DPP6: variants seen among roughly 807,000 people sequenced by gnomAD.
The protein encoded by DPP6 is A-type potassium channel modulatory protein DPP6.
Under a neutral mutation model 122.6 loss-of-function variants are expected in DPP6, and 69 were observed. The ratio of observed to expected loss-of-function variants is 0.56; its 90% CI spans 0.46 to 0.69. The LOEUF is 0.69. Among genes scored for constraint, DPP6 ranks in the 30% least tolerant of loss-of-function variants. The pLI, the probability that DPP6 is intolerant of heterozygous loss-of-function variation, is 0.00. For synonymous variants in DPP6, 418 were observed against 433.1 expected, an observed-to-expected ratio of 0.97 and a Z score of 0.43; for missense variants, 928 against 1,116.9, an observed-to-expected ratio of 0.83 and a Z score of 2.41.
At chr7:154,869,799 C>T (rs1479462445) in intron 18 of DPP6, among the ~76,000 whole-genome samples, 4 of 152,206 alleles carry the variant, frequency 2.6e-5, no homozygotes, top group African/African-American at 4.8e-5. Context: ...AAAGTCAGAA[C>T]ATTCTGGAAT....
At chr7:154,216,930 TAA>T (rs10558754) in intron 1 of DPP6, among the ~76,000 whole-genome samples, 100,246 of 147,374 alleles carry the variant, frequency 0.68, 36,513 homozygotes, top group Non-Finnish European at 0.81. Context: ...GAAACCTCTC[TAA>T]AAAAAAAAAA....
chr7:154,697,392 C>T (rs2131248805), intron 7 of DPP6, among the ~76,000 whole-genome samples: 1 of 152,330 alleles, frequency 6.6e-6, no homozygotes, highest in East Asian at 1.9e-4. Flanking sequence ...CCCATGTAGG[C>T]CTCCAGAGCC....
chr7:154,056,905 T>G (rs1322927278), intron 1 of DPP6, among the ~76,000 whole-genome samples: 4 of 152,230 alleles, frequency 2.6e-5, no homozygotes, highest in African/African-American at 9.6e-5. Flanking sequence ...TTTTTTAAGT[T>G]TCACATGATT....
the DPP6 span, among the ~76,000 whole-genome samples, chr7:153,792,912 G>A: frequency 4.6e-5 from 7 of 152,242 alleles, no homozygotes; most frequent in South Asian, 1.0e-3. Context: ...AGGGGTTTCT[G>A]CTTTTGCTTC....
intron 3 of DPP6, among the ~76,000 whole-genome samples, chr7:154,476,064 A>G (rs1822709187): frequency 6.6e-6 from 1 of 152,170 alleles, no homozygotes; most frequent in Non-Finnish European, 1.5e-5. Context: ...AATGCTTTTC[A>G]TGCTTCACAA....
chr7:154,620,680 G>T (rs1428136833), intron 5 of DPP6, among the ~76,000 whole-genome samples: 1 of 152,200 alleles, frequency 6.6e-6, no homozygotes, highest in Non-Finnish European at 1.5e-5. Context: ...TATAGCAGAG[G>T]TGATGTTACG....
intron 1 of DPP6, among the ~76,000 whole-genome samples, chr7:153,986,375 T>G (rs1465616793): frequency 6.6e-6 from 1 of 152,150 alleles, no homozygotes; most frequent in Non-Finnish European, 1.5e-5. Context: ...GACCTGTTCA[T>G]CTCACATCTT....
intron 1 of DPP6, among the ~76,000 whole-genome samples, chr7:154,263,338 C>G (rs1803159765): frequency 6.6e-6 from 1 of 152,174 alleles, no homozygotes; most frequent in South Asian, 2.1e-4. Flanking sequence ...CTTTTAAGAT[C>G]AAGATTAGGG....
chr7:154,355,021 G>A (rs1296553058), intron 1 of DPP6, among the ~76,000 whole-genome samples: 2 of 152,126 alleles, frequency 1.3e-5, no homozygotes, highest in African/African-American at 2.4e-5. Context: ...CCCTTGGGAG[G>A]GGTGAGGCTG....
chr7:153,895,141 G>A (rs1375602369), intron 1 of DPP6, among the ~76,000 whole-genome samples: 1 of 151,960 alleles, frequency 6.6e-6, no homozygotes, highest in Non-Finnish European at 1.5e-5. Context: ...TTTTCTTCAC[G>A]CCCAGAAAAA....
At chr7:154,583,160 G>A (rs191581693) in intron 5 of DPP6, among the ~76,000 whole-genome samples, 1 of 152,344 alleles carries the variant, frequency 6.6e-6, no homozygotes, top group Admixed American at 6.5e-5. Context: ...GTTTTAGGCT[G>A]CCTGGGCTGC....
chr7:153,846,607 A>T, the DPP6 span, among the ~76,000 whole-genome samples: 3 of 147,434 alleles, frequency 2.0e-5, no homozygotes, highest in Non-Finnish European at 4.5e-5. Flanking sequence ...GCCTCATCCA[A>T]TCTCTATTCT....
At chr7:154,470,138 C>G (rs1822134599) in intron 2 of DPP6, among the ~76,000 whole-genome samples, 1 of 152,140 alleles carries the variant, frequency 6.6e-6, no homozygotes, top group Admixed American at 6.5e-5. Flanking sequence ...GTCTGTCTCC[C>G]CTGTGAAGCT....
chr7:154,444,936 G>C (rs1445878588), intron 1 of DPP6, among the ~76,000 whole-genome samples: 1 of 152,180 alleles, frequency 6.6e-6, no homozygotes, highest in Non-Finnish European at 1.5e-5. Context: ...TTAAGTTATA[G>C]ATGGCAAATA....
intron 5 of DPP6, among the ~76,000 whole-genome samples, chr7:154,637,098 T>G (rs7800130): frequency 0.74 from 112,205 of 152,066 alleles, 41,495 homozygotes; most frequent in East Asian, 0.92. Flanking sequence ...CTCCCTTCTT[T>G]TGGGTAACCC....
At chr7:153,980,775 T>C (rs1796543269) in intron 1 of DPP6, among the ~76,000 whole-genome samples, 2 of 152,350 alleles carry the variant, frequency 1.3e-5, no homozygotes, top group Middle Eastern at 3.4e-3. Flanking sequence ...TCAAAGAACT[T>C]ACTTATTTCT....
At chr7:154,848,015 A>T (rs1802078454) in intron 16 of DPP6, among the ~76,000 whole-genome samples, 2 of 152,344 alleles carry the variant, frequency 1.3e-5, no homozygotes, top group African/African-American at 4.8e-5. Context: ...TTCATCTCTA[A>T]GACTGAGTAG....
At position 153,896,193 on chromosome 7, in the gene DPP6, A is replaced by G. The variant is rs575682357; in HGVS notation, c.51+8459A>G. ...TTTTATTTTAAATAATTCTCATTTT[A>G]TGGTATTGGTCCTATATAAACAACT... On this transcript the variant is annotated intron_variant, in intron 1 of 25. Coordinates refer to the DPP6 transcript ENST00000404039. 2.3e-3 allele frequency among the ~76,000 whole-genome samples: 351 copies of G among 152,300 alleles called. 1 individual carries two copies. Among genetic ancestry groups the G allele is most frequent in the African/African-American group, 8.2e-3 (342 of 41,564 alleles).
the DPP6 span, among the ~76,000 whole-genome samples, chr7:153,781,382 G>A: frequency 2.0e-5 from 3 of 152,158 alleles, no homozygotes; most frequent in African/African-American, 7.2e-5. Flanking sequence ...TGCAGCATTG[G>A]GCAGTAATAT....
Sources: gnomAD v4.1 joint callset for allele counts (sites outside exome capture counted in the v4.1 genomes callset) on GRCh38, gnomAD v4.1.1 for gene constraint, MANE v1.5 for transcripts, NCBI Gene and HGNC (gene_info 2026-07-23, HGNC 2026-07-21) for gene names.